The following TRRAP variants were observed in gnomAD, a reference collection of about 807,000 sequenced individuals.
The protein encoded by TRRAP is transformation/transcription domain-associated protein.
A neutral mutation model predicts 438.8 loss-of-function variants in TRRAP; 41 were observed. The ratio of observed to expected loss-of-function variants is 0.09; its 90% CI spans 0.07 to 0.12. The LOEUF (loss-of-function observed/expected upper bound fraction) is 0.12, where lower values mean the gene tolerates loss of function less well. Among genes scored for constraint, TRRAP ranks in the 10% least tolerant of loss-of-function variants. The pLI is 1.00. For missense variants in TRRAP, 3,122 were observed against 5,055.1 expected, an observed-to-expected ratio of 0.62 and a Z score of 11.60; for synonymous variants, 1,994 against 1,962.9, an observed-to-expected ratio of 1.02 and a Z score of -0.42.
intron 53 of TRRAP, among the ~76,000 whole-genome samples, chr7:98,975,355 G>A (rs1051153108): frequency 6.6e-6 from 1 of 152,240 alleles, no homozygotes; most frequent in African/African-American, 2.4e-5. Context: ...AGCAGGGACA[G>A]TGTGGCTGTC....
chr7:98,881,726 G>A (rs1795445619), intron 2 of TRRAP: 1 of 448,736 alleles, frequency 2.2e-6, no homozygotes, highest in Admixed American at 4.0e-5. Context: ...ACTGGCTGGA[G>A]CCCCAAAGAG....
intron 23 of TRRAP, among the ~76,000 whole-genome samples, chr7:98,928,940 AT>A (rs782385931): frequency 0.015 from 1,857 of 127,976 alleles, 28 homozygotes; most frequent in African/African-American, 0.046. Flanking sequence ...CGCCCGGCTA[AT>A]TTTTTTTTTT....
chr7:98,988,708 C>T lies in TRRAP; in HGVS notation c.9390-57C>T, dbSNP rs1793257744. The T allele has an allele frequency of 5.1e-6, 8 of 1,566,638 alleles. No individual in the cohort carries two copies. In the Admixed American group the frequency reaches 5.1e-5, roughly 10 times the overall value. ...TTTTATAATGGTTAATTTCAGATTA[C>T]GTGAAGCTCGCTTCAATTGAAAACC... On this transcript the variant is annotated intron_variant, in intron 62 of 72. Transcript: ENST00000456197.
At position 99,012,394 on chromosome 7, in the gene TRRAP, C is replaced by A; in HGVS notation, c.*39C>A. On this transcript the variant is annotated 3_prime_UTR_variant, in exon 73 of 73. Transcript: ENST00000456197. This position sits in a 1 kb window ranked among gnomAD's most constrained non-coding sequence, Gnocchi z 5.9. ...GGCCACCCGGAATGTGAAGGGCGCT[C>A]CGGGCTCTGAGCCCGCAGCTTTTAC... 1 of 1,542,920 alleles carries A rather than the reference C, an allele frequency of 6.5e-7. No individual in the cohort carries two copies. Among genetic ancestry groups the A allele is most frequent in the South Asian group, 1.2e-5 (1 of 83,664 alleles).
rs112199817 is a variant in TRRAP, at chr7:98,971,719, A to C, written c.7693-80A>C. ...CACGAATTTTACCAAAATTGTAACA[A>C]GAAGCCTACAGGAGGTGTGTTTGTT... On this transcript the variant is annotated intron_variant, in intron 52 of 72. Transcript: ENST00000456197. The C allele has an allele frequency of 2.6e-5, 40 of 1,510,268 alleles. No homozygotes were observed. The African/African-American group carries it at 4.6e-4, about 17-fold the overall frequency. The allele number at this position is 1,510,268 out of a possible 1,614,324, so 93.6% of individuals were successfully genotyped here. A position where few individuals can be genotyped will look rare whatever the true frequency, so the allele number is the denominator to read the frequency against.
In TRRAP at chr7:98,949,437, C is replaced by T. The variant is rs3735364; in HGVS notation, c.4809C>T (p.Asp1603=). 233 of 1,577,968 alleles carry T rather than the reference C, an allele frequency of 1.5e-4. No individual in the cohort carries two copies. The highest frequency in any genetic ancestry group is 1.1e-3 in the East Asian group (47 of 44,214). The change falls in exon 36 of 73, where the codon GAC becomes GAT. Residue 1603 remains aspartate (D), a synonymous_variant. Transcript: ENST00000456197. ...RMFMSFLKHK[D]ARPLRDVLAA... ...TTCAGAGTTTTTTAAAACACAAAGA[C>T]GCCAGACCTCTGCGGGATGTGCTGG... is the stretch of plus-strand genomic sequence containing the variant.
rs372251257 is a variant in TRRAP, at chr7:98,935,686, G to A, written c.4111+11G>A. The A allele has an allele frequency of 1.9e-6, 3 of 1,578,346 alleles. No individual in the cohort carries two copies. The Admixed American group carries it at 5.0e-5, about 27-fold the overall frequency. On this transcript the variant is annotated intron_variant, in intron 28 of 72. Coordinates refer to ENST00000456197, the MANE Select transcript of TRRAP (RefSeq NM_001375524.1). ...GAATTGCGGCATTAAGTAAGTTAAT[G>A]AAAATCTACGGGGTATAAAAGTGAA... is the stretch of plus-strand genomic sequence containing the variant.
intron 47 of TRRAP, among the ~76,000 whole-genome samples, chr7:98,963,001 C>T (rs1472028060): frequency 6.6e-6 from 1 of 152,166 alleles, no homozygotes; most frequent in Non-Finnish European, 1.5e-5. Context: ...TTATTTTCTC[C>T]TTTATTGCAT....
intron 23 of TRRAP, among the ~76,000 whole-genome samples, chr7:98,928,756 AT>A (rs201232043): frequency 6.8e-6 from 1 of 147,916 alleles, no homozygotes; most frequent in African/African-American, 2.5e-5. Context: ...GGTTTTCTTT[AT>A]TTTTTTTTTA....
At chr7:98,892,951 A>G (rs183317325) in intron 5 of TRRAP, among the ~76,000 whole-genome samples, 2 of 151,220 alleles carry the variant, frequency 1.3e-5, no homozygotes, top group Non-Finnish European at 2.9e-5. Context: ...TGCTTCTCTT[A>G]GTCTTTCTTT....
chr7:98,967,181 C>G lies in TRRAP; in HGVS notation c.7298+19C>G, dbSNP rs368597706. 6.2e-7 allele frequency: 1 copy of G among 1,611,222 alleles called. No homozygotes were observed. The highest frequency in any genetic ancestry group is 1.3e-5 in the African/African-American group (1 of 74,792). On this transcript the variant is annotated intron_variant, in intron 50 of 72. Coordinates refer to ENST00000456197, the MANE Select transcript of TRRAP (RefSeq NM_001375524.1). ...TCTACAGGTAATTACAGCAATTAAT[C>G]AAGTACTACATATATTGGTCCTTAA...
intron 69 of TRRAP, among the ~76,000 whole-genome samples, chr7:99,008,028 G>A (rs1040963219): frequency 1.3e-5 from 2 of 151,682 alleles, no homozygotes; most frequent in Admixed American, 1.3e-4. Context: ...GTTTCACCAT[G>A]TTGACCAGGA....
At chr7:98,932,526 T>C (rs1268555190) in intron 26 of TRRAP, among the ~76,000 whole-genome samples, 1 of 152,178 alleles carries the variant, frequency 6.6e-6, no homozygotes, top group African/African-American at 2.4e-5. Flanking sequence ...TTTTTTTTTA[T>C]AAAGATGGGC....
Position 98,993,663 on chromosome 7 carries a change from C to T in TRRAP, c.9973C>T (p.His3325Tyr). 1 of 1,614,200 alleles carries T rather than the reference C, an allele frequency of 6.2e-7. No individual in the cohort carries two copies. Among genetic ancestry groups the T allele is most frequent in the Non-Finnish European group, 8.5e-7 (1 of 1,180,042 alleles). ...SRIMHMQRELHPTLLSSLEGI... is the reference protein window; with the variant it reads ...SRIMHMQRELYPTLLSSLEGI... The stretch of plus-strand genomic sequence containing the variant: ...AATCATGCACATGCAGCGAGAGCTC[C>T]ACCCCACCCTTCTGTCTTCCCTGGA... Residue 3325 changes from histidine to tyrosine, a missense_variant, in exon 66 of 73, where the codon CAC (histidine) becomes TAC (tyrosine). His to Tyr is a moderately conservative substitution (Grantham distance 83). Coordinates refer to ENST00000456197, the MANE Select transcript of TRRAP (RefSeq NM_001375524.1).
rs1431757983 is a variant in TRRAP, at chr7:99,011,612, C to T, written c.11337+77C>T. 15 of 1,514,058 alleles carry T rather than the reference C, an allele frequency of 9.9e-6. No homozygotes were observed. The highest frequency in any genetic ancestry group is 2.3e-5 in the East Asian group (1 of 43,878). 93.8% of individuals were successfully genotyped at this position (1,514,058 alleles called of 1,614,324 possible). A position where few individuals can be genotyped will look rare whatever the true frequency, so the allele number is the denominator to read the frequency against. ...CCCGCGCGTCACGGCCTTGCAGGAGCTGCTGATGTGCCTCACGGGCTCTGC... is the reference window on the plus strand; with the variant it reads ...CCCGCGCGTCACGGCCTTGCAGGAGTTGCTGATGTGCCTCACGGGCTCTGC... On this transcript the variant is annotated intron_variant, in intron 72 of 72. Transcript: ENST00000456197. This position sits in a 1 kb window ranked among gnomAD's most constrained non-coding sequence, Gnocchi z 7.1.
intron 14 of TRRAP, among the ~76,000 whole-genome samples, chr7:98,909,466 A>T (rs1179476478): frequency 5.9e-5 from 9 of 152,206 alleles, no homozygotes; most frequent in Admixed American, 5.2e-4. Context: ...ACTTGGGGTG[A>T]TGATATCTGC....
At position 98,891,203 on chromosome 7, in the gene TRRAP, AT is replaced by A. The variant is rs869214006; in HGVS notation, c.261+782del. 3.3e-3 allele frequency among the ~76,000 whole-genome samples: 424 copies of A among 128,322 alleles called. 3 individuals carry two copies. The highest frequency in any genetic ancestry group is 0.012 in the African/African-American group (371 of 31,768). 84.2% of individuals were successfully genotyped at this position (128,322 alleles called of 152,430 possible). A position where few individuals can be genotyped will look rare whatever the true frequency, so the allele number is the denominator to read the frequency against. On this transcript the variant is annotated intron_variant, in intron 4 of 72. Transcript: ENST00000456197. ...ATTTAGAAATAGTCCATATATATAT[AT>A]TTTTTTTTTTTTTTTTTTTTTTTGG...
In TRRAP at chr7:98,983,889, C is replaced by A. The variant is rs79192370; in HGVS notation, c.9023-204C>A. On this transcript the variant is annotated intron_variant, in intron 60 of 72. Transcript: ENST00000456197. Reference sequence around the variant, plus strand: ...CTTTGTCATTTTATGATTTGGTTAGCCAAGATGGTAACACTCCACTCAAGA... The same window carrying A: ...CTTTGTCATTTTATGATTTGGTTAGACAAGATGGTAACACTCCACTCAAGA... 0.046 allele frequency among the ~76,000 whole-genome samples: 7,030 copies of A among 152,156 alleles called. 223 individuals are homozygous for A. Among genetic ancestry groups the A allele is most frequent in the Middle Eastern group, 0.082 (24 of 294 alleles).
chr7:98,960,011 A>C (rs1376326116), intron 45 of TRRAP, among the ~76,000 whole-genome samples: 5 of 152,050 alleles, frequency 3.3e-5, no homozygotes, highest in African/African-American at 4.8e-5. Context: ...TGCTGGCCCC[A>C]ACTACACGTA....
Sources: allele counts gnomAD v4.1 joint callset (sites outside exome capture counted in the v4.1 genomes callset), GRCh38; gene constraint gnomAD v4.1.1; non-coding constraint Gnocchi (gnomAD v3.1); transcripts MANE v1.5; gene names NCBI Gene and HGNC (gene_info 2026-07-23, HGNC 2026-07-21).